The following XRN2 variants were observed in gnomAD, a reference collection of about 807,000 sequenced individuals.
XRN2 encodes the protein DHM1-like protein.
Under a neutral mutation model 138.5 loss-of-function variants are expected in XRN2, and 44 were observed. The observed-to-expected ratio is 0.32, with a 90% CI of 0.25 to 0.41. The LOEUF (loss-of-function observed/expected upper bound fraction) is 0.41. XRN2 is among the 10% of genes least tolerant of loss of function. The pLI is 1.00. For synonymous variants in XRN2, 354 were observed against 369.4 expected (o/e 0.96, Z 0.48); for missense variants, 937 against 1,169.3 (o/e 0.80, Z 2.90).
chr20:21,322,588 T>A (rs1415222779), intron 1 of XRN2, among the ~76,000 whole-genome samples: 2 of 152,218 alleles, frequency 1.3e-5, no homozygotes, highest in African/African-American at 4.8e-5. Context: ...ACAATGCATC[T>A]ACTGAGCTAT....
At chr20:21,337,263 A>G (rs58891260) in intron 13 of XRN2, among the ~76,000 whole-genome samples, 14,339 of 152,226 alleles carry the variant, frequency 0.094, 1,187 homozygotes, top group African/African-American at 0.22. Flanking sequence ...CAGTAATCCA[A>G]GGGAGCCTGG....
intron 16 of XRN2, among the ~76,000 whole-genome samples, chr20:21,346,106 T>C (rs944027832): frequency 2.6e-5 from 4 of 152,204 alleles, no homozygotes; most frequent in Non-Finnish European, 4.4e-5. Flanking sequence ...AAGAAACATA[T>C]AAAGTAGTAT....
chr20:21,350,579 G>C (rs1024366436), intron 20 of XRN2, among the ~76,000 whole-genome samples: 1 of 139,352 alleles, frequency 7.2e-6, no homozygotes, highest in African/African-American at 2.7e-5. Flanking sequence ...CAGTAAACCA[G>C]CTGTTGTTTC....
chr20:21,339,037 C>T lies in XRN2; in HGVS notation c.1234-7C>T. 6.2e-7 allele frequency: 1 copy of T among 1,601,484 alleles called. No individual in the cohort carries two copies. Among genetic ancestry groups the T allele is most frequent in the Non-Finnish European group, 8.5e-7 (1 of 1,171,698 alleles). On this transcript the variant is annotated splice_region_variant and splice_polypyrimidine_tract_variant and intron_variant, in intron 13 of 29. Coordinates refer to ENST00000377191, the MANE Select transcript of XRN2 (RefSeq NM_012255.5). ...TTTGACAGAATATGTGGATTTTATA[C>T]TTTTAGGACAGTTTTAGAAGACGAC...
At chr20:21,348,871 G>C (rs6137322) in intron 19 of XRN2, among the ~76,000 whole-genome samples, 2 of 151,934 alleles carry the variant, frequency 1.3e-5, no homozygotes, top group African/African-American at 4.8e-5. Context: ...TCTTGATCTC[G>C]TGACCTCGTG....
At chr20:21,380,084 A>G (rs1269555683) in intron 27 of XRN2, among the ~76,000 whole-genome samples, 2 of 152,210 alleles carry the variant, frequency 1.3e-5, no homozygotes, top group Admixed American at 6.5e-5. Flanking sequence ...ACACCAGGCA[A>G]GCACAATATG....
intron 1 of XRN2, among the ~76,000 whole-genome samples, chr20:21,325,289 G>A (rs1055161205): frequency 1.2e-4 from 19 of 152,144 alleles, no homozygotes; most frequent in Non-Finnish European, 2.4e-4. Flanking sequence ...CTCTTGCTGA[G>A]GCTCTGGAAG....
chr20:21,309,693 C>T (rs1242791154), intron 1 of XRN2, among the ~76,000 whole-genome samples: 2 of 151,876 alleles, frequency 1.3e-5, no homozygotes, highest in African/African-American at 2.4e-5. Context: ...ATAGTATTTT[C>T]TTACTATCCT....
At chr20:21,333,470 T>G in intron 9 of XRN2, 74 bp from the exon 10 acceptor site, 1 of 1,502,668 alleles carries the variant, frequency 6.7e-7, no homozygotes, top group Non-Finnish European at 9.3e-7. Context: ...AGAAAAAGCC[T>G]TAAAATTTGC....
intron 28 of XRN2, among the ~76,000 whole-genome samples, chr20:21,384,002 A>G (rs1340135916): frequency 2.0e-5 from 3 of 152,224 alleles, no homozygotes; most frequent in Non-Finnish European, 4.4e-5. Context: ...GTATGTTTCC[A>G]CGACGCTACT....
intron 1 of XRN2, among the ~76,000 whole-genome samples, chr20:21,324,792 C>A (rs1369411542): frequency 2.0e-5 from 3 of 152,124 alleles, no homozygotes; most frequent in Non-Finnish European, 4.4e-5. Context: ...TACCACCATA[C>A]CTGATTTTAA....
chr20:21,333,260 A>G (rs187960205), intron 9 of XRN2, among the ~76,000 whole-genome samples: 1 of 152,316 alleles, frequency 6.6e-6, no homozygotes, highest in East Asian at 1.9e-4. Flanking sequence ...TTAAAAACAA[A>G]ATAAAACATG....
intron 19 of XRN2, 39 bp from the exon 20 acceptor site, chr20:21,349,350 G>A (rs775838435): frequency 1.7e-4 from 226 of 1,307,692 alleles, no homozygotes; most frequent in Non-Finnish European, 2.4e-4. Flanking sequence ...AGAGATGTGT[G>A]ACTTCTGTTT....
intron 4 of XRN2, 29 bp downstream of exon 4, chr20:21,328,699 T>C (rs1399548598): frequency 2.5e-6 from 4 of 1,601,326 alleles, no homozygotes; most frequent in Non-Finnish European, 3.4e-6. Flanking sequence ...GAAGTTGGAT[T>C]TTTTCATAAG....
chr20:21,340,878 T>C (rs1250738811), intron 15 of XRN2, 26 bp downstream of exon 15: 2 of 1,613,204 alleles, frequency 1.2e-6, no homozygotes, highest in Non-Finnish European at 1.7e-6. Flanking sequence ...TTATGTGACA[T>C]TTAAGAGTGG....
chr20:21,377,264 C>CTTTTTTTTTTCTT lies in XRN2; in HGVS notation c.2585-4720_2585-4719insCTTTTTTTTTTTT, dbSNP rs1555788238. On this transcript the variant is annotated intron_variant, in intron 27 of 29. Coordinates refer to ENST00000377191, the MANE Select transcript of XRN2 (RefSeq NM_012255.5). The stretch of plus-strand genomic sequence containing the variant: ...CCAACATATGATTTGTCGGTTTTTT[C>CTTTTTTTTTTCTT]TTTTTTTTTTTTTTGGTCAGTCTTG... Among the ~76,000 whole-genome samples, 17 of 82,798 alleles carry CTTTTTTTTTTCTT rather than the reference C, an allele frequency of 2.1e-4. 1 individual carries two copies. The highest frequency in any genetic ancestry group is 8.0e-4 in the African/African-American group (15 of 18,682). The allele number at this position is 82,798 out of a possible 152,430, so 54.3% of individuals were successfully genotyped here.
chr20:21,311,520 A>G (rs918509038), intron 1 of XRN2, among the ~76,000 whole-genome samples: 6 of 152,188 alleles, frequency 3.9e-5, no homozygotes, highest in Non-Finnish European at 5.9e-5. Flanking sequence ...TAACACTGCT[A>G]TGCACATTGG....
intron 1 of XRN2, among the ~76,000 whole-genome samples, chr20:21,318,622 T>C (rs1475456697): frequency 6.6e-6 from 1 of 152,132 alleles, no homozygotes; most frequent in East Asian, 1.9e-4. Flanking sequence ...GCTTTATATG[T>C]ATTCCATAAC....
At chr20:21,386,687 G>C (rs771295089) in intron 28 of XRN2, among the ~76,000 whole-genome samples, 181 bp from the exon 29 acceptor site, 2 of 152,174 alleles carry the variant, frequency 1.3e-5, no homozygotes, top group Non-Finnish European at 2.9e-5. Context: ...GATGCTTCAT[G>C]AAACATGTTA....
Sources: gnomAD v4.1 joint callset for allele counts (sites outside exome capture counted in the v4.1 genomes callset) on GRCh38, gnomAD v4.1.1 for gene constraint, MANE v1.5 for transcripts, NCBI Gene and HGNC (gene_info 2026-07-23, HGNC 2026-07-21) for gene names.